The following EPHA6 variants were observed in gnomAD, a reference collection of about 807,000 sequenced individuals.
EPHA6 encodes EPH receptor A6.
A neutral mutation model predicts 112.0 loss-of-function variants in EPHA6; 50 were observed. That is an observed-to-expected ratio of 0.45 (90% CI 0.36 to 0.56). EPHA6 has a LOEUF of 0.56. Ranked by LOEUF, EPHA6 falls within the 20% of genes least tolerant of loss-of-function variation. The pLI is 0.00. For missense variants in EPHA6, 1,280 were observed against 1,417.4 expected (o/e 0.90, Z 1.56); for synonymous variants, 529 against 490.7 (o/e 1.08, Z -1.03).
chr3:97,482,127 A>G (rs1390217380), intron 9 of EPHA6, among the ~76,000 whole-genome samples: 1 of 152,206 alleles, frequency 6.6e-6, no homozygotes, highest in African/African-American at 2.4e-5. Context: ...TTTACTACAC[A>G]TATGTTTATA....
chr3:97,267,899 G>A (rs1447735234), intron 5 of EPHA6, among the ~76,000 whole-genome samples: 1 of 152,106 alleles, frequency 6.6e-6, no homozygotes, highest in Admixed American at 6.5e-5. Context: ...CCTTCTACCA[G>A]TTAGCAATGC....
intron 3 of EPHA6, among the ~76,000 whole-genome samples, chr3:97,155,576 A>G (rs1329977515): frequency 6.6e-6 from 1 of 152,166 alleles, no homozygotes; most frequent in Non-Finnish European, 1.5e-5. Context: ...CTTGACTGAC[A>G]TCATTGTTCT....
intron 10 of EPHA6, among the ~76,000 whole-genome samples, chr3:97,485,040 G>A (rs2091664495): frequency 1.3e-5 from 2 of 152,154 alleles, no homozygotes; most frequent in Admixed American, 6.5e-5. Flanking sequence ...TTATGCAGGG[G>A]GGCTGTTTTC....
At chr3:97,022,457 G>A (rs1408998689) in intron 3 of EPHA6, among the ~76,000 whole-genome samples, 1 of 152,066 alleles carries the variant, frequency 6.6e-6, no homozygotes, top group Non-Finnish European at 1.5e-5. Flanking sequence ...TATACTCAAA[G>A]GTTTTTCTAC....
intron 2 of EPHA6, among the ~76,000 whole-genome samples, chr3:96,980,209 A>G (rs1313382680): frequency 1.6e-4 from 25 of 152,122 alleles, no homozygotes; most frequent in Admixed American, 1.6e-3. Flanking sequence ...TCTTTAATCC[A>G]TCTTGAATTG....
intron 3 of EPHA6, among the ~76,000 whole-genome samples, chr3:97,176,511 C>G (rs2076838800): frequency 6.6e-6 from 1 of 151,682 alleles, no homozygotes; most frequent in Non-Finnish European, 1.5e-5. Flanking sequence ...CAGCAGTGGA[C>G]TCGTTGGGTC....
intron 3 of EPHA6, among the ~76,000 whole-genome samples, chr3:97,130,183 A>G (rs767724934): frequency 2.3e-4 from 35 of 151,838 alleles, no homozygotes; most frequent in Non-Finnish European, 4.7e-4. Context: ...TCTGATAACA[A>G]CTTTTGATAT....
intron 2 of EPHA6, among the ~76,000 whole-genome samples, chr3:96,950,562 A>G (rs1380313150): frequency 6.6e-6 from 1 of 152,174 alleles, no homozygotes; most frequent in Admixed American, 6.6e-5. Flanking sequence ...AACCAATGAA[A>G]CAATTAAGCA....
rs147191371 is a variant in EPHA6, at chr3:97,227,341, T to A, written c.1270+922T>A. 5.3e-3 allele frequency among the ~76,000 whole-genome samples: 812 copies of A among 151,938 alleles called. 9 individuals are homozygous for A. The highest frequency in any genetic ancestry group is 0.018 in the African/African-American group (748 of 41,452). On this transcript the variant is annotated intron_variant, in intron 4 of 17. Coordinates refer to ENST00000389672, the MANE Select transcript of EPHA6 (RefSeq NM_001080448.3). ...ATTCAAGCGATTCTCCTGCCTCAGC[T>A]TCCTGAGTAGCTGGGACTACAGGCA...
chr3:97,684,519 A>G (rs1224840503), intron 14 of EPHA6, among the ~76,000 whole-genome samples: 3 of 152,194 alleles, frequency 2.0e-5, no homozygotes, highest in Non-Finnish European at 2.9e-5. Flanking sequence ...TGAGCTAGAG[A>G]TACATTTATT....
intron 7 of EPHA6, among the ~76,000 whole-genome samples, chr3:97,450,312 T>C (rs1032472632): frequency 1.4e-4 from 22 of 152,070 alleles, no homozygotes; most frequent in African/African-American, 4.6e-4. Flanking sequence ...TGGTCCAAGA[T>C]TGTCGAATTA....
At chr3:97,546,829 T>TG (rs1244301367) in intron 11 of EPHA6, among the ~76,000 whole-genome samples, 2 of 152,234 alleles carry the variant, frequency 1.3e-5, no homozygotes, top group African/African-American at 4.8e-5. Flanking sequence ...CTTCCATCAC[T>TG]GATACCCTTT....
At chr3:96,885,349 C>G (rs1030669140) in intron 2 of EPHA6, among the ~76,000 whole-genome samples, 3 of 152,112 alleles carry the variant, frequency 2.0e-5, no homozygotes, top group African/African-American at 7.2e-5. Flanking sequence ...GTAAATCCCT[C>G]TTGTCCTGAA....
chr3:97,237,572 T>A (rs2078717477), intron 4 of EPHA6, among the ~76,000 whole-genome samples: 1 of 152,046 alleles, frequency 6.6e-6, no homozygotes, highest in African/African-American at 2.4e-5. Flanking sequence ...CCACTCAATA[T>A]CATCTGTTTG....
intron 1 of EPHA6, among the ~76,000 whole-genome samples, chr3:96,817,217 T>G (rs1342077012): frequency 1.3e-5 from 2 of 151,968 alleles, no homozygotes; most frequent in Non-Finnish European, 2.9e-5. Flanking sequence ...AAAATGATGC[T>G]TTTTACAGCC....
At chr3:97,449,198 A>G (rs2107321717) in intron 7 of EPHA6, among the ~76,000 whole-genome samples, 1 of 152,306 alleles carries the variant, frequency 6.6e-6, no homozygotes, top group South Asian at 2.1e-4. Flanking sequence ...AGAAACCCAC[A>G]TTAATTCCGG....
intron 5 of EPHA6, among the ~76,000 whole-genome samples, chr3:97,265,282 G>C (rs536714313): frequency 1.3e-5 from 2 of 152,176 alleles, no homozygotes; most frequent in Admixed American, 1.3e-4. Context: ...TTGCCCAGGA[G>C]CTTGTCTGCC....
chr3:97,368,927 G>T (rs1017869211), intron 5 of EPHA6, among the ~76,000 whole-genome samples: 3 of 152,100 alleles, frequency 2.0e-5, no homozygotes, highest in Non-Finnish European at 4.4e-5. Context: ...AAATAACCTG[G>T]TTGCTATGAC....
intron 11 of EPHA6, among the ~76,000 whole-genome samples, chr3:97,571,238 A>G (rs2093329718): frequency 6.6e-6 from 1 of 152,142 alleles, no homozygotes. Context: ...CTAATCAGGA[A>G]AGAGTAGAAG....
Sources: gnomAD v4.1 joint callset for allele counts (sites outside exome capture counted in the v4.1 genomes callset) on GRCh38, gnomAD v4.1.1 for gene constraint, MANE v1.5 for transcripts, NCBI Gene and HGNC (gene_info 2026-07-23, HGNC 2026-07-21) for gene names.